Variants in ZNF10 observed in about 807,000 individuals in gnomAD.
The protein encoded by ZNF10 is zinc finger protein 10.
Under a neutral mutation model 12.2 loss-of-function variants are expected in ZNF10, and 8 were observed. The ratio of observed to expected loss-of-function variants is 0.66; its 90% CI spans 0.39 to 1.18. The LOEUF (loss-of-function observed/expected upper bound fraction) is 1.18, where lower values mean the gene tolerates loss of function less well. Ranked by LOEUF, ZNF10 falls within the 50% of genes most tolerant of loss-of-function variation. ZNF10 has a pLI of 0.01. For missense variants in ZNF10, 603 were observed against 678.9 expected (o/e 0.89, Z 1.24); for synonymous variants, 229 against 228.2 (o/e 1.00, Z -0.03).
rs530464270 is a variant in ZNF10 at position 133,139,546 on chromosome 12, T to G, written c.-59-4888T>G. On this transcript the variant is annotated intron_variant, in intron 1 of 4. Transcript: ENST00000248211. ...GAATTTTAAACAGGGAGTGAAACTTTTGTGTTTTACAGAGATGATGTTGCT... is the reference window on the plus strand; with the variant it reads ...GAATTTTAAACAGGGAGTGAAACTTGTGTGTTTTACAGAGATGATGTTGCT... 9.9e-5 allele frequency among the ~76,000 whole-genome samples: 15 copies of G among 151,150 alleles called. No individual in the cohort carries two copies. The South Asian group carries it at 2.1e-3, about 21-fold the overall frequency.
rs1956042997 is a variant in ZNF10, at chr12:133,156,530, T to C, written c.1284T>C (p.Thr428=). ...TTGTTGTGCATCATAGAATTCACAC[T>C]GGACTAAAACCTTTTGAGTGTAAGG... ...SHLVVHHRIH[T]GLKPFECKDC... The change falls in exon 5 of 5, where the codon ACT becomes ACC. Residue 428 remains threonine (T), a synonymous_variant. Transcript: ENST00000248211. 1.9e-6 allele frequency: 3 copies of C among 1,613,924 alleles called. No homozygotes were observed. Among genetic ancestry groups the C allele is most frequent in the Non-Finnish European group, 2.5e-6 (3 of 1,179,950 alleles).
At position 133,159,438 on chromosome 12, in the gene ZNF10, A is replaced by G. The variant is rs1242782710; in HGVS notation, c.*2470A>G. 2 of 152,264 alleles carry G rather than the reference A, an allele frequency of 1.3e-5. No individual in the cohort carries two copies. Among genetic ancestry groups the G allele is most frequent in the African/African-American group, 4.8e-5 (2 of 41,480 alleles). 9.4% of individuals were successfully genotyped at this position (152,264 alleles called of 1,614,324 possible). ...GGAATAAGCTCAAATATGTCAAAAT[A>G]AATGTAAAAAATGAGTGTTGCCCAA... is the stretch of plus-strand genomic sequence containing the variant. On this transcript the variant is annotated 3_prime_UTR_variant, in exon 5 of 5. Coordinates refer to ENST00000248211, the MANE Select transcript of ZNF10 (RefSeq NM_015394.5).
In ZNF10 at chr12:133,159,450, T is replaced by C. The variant is rs1357814171; in HGVS notation, c.*2482T>C. On this transcript the variant is annotated 3_prime_UTR_variant, in exon 5 of 5. Coordinates refer to ENST00000248211, the MANE Select transcript of ZNF10 (RefSeq NM_015394.5). ...AATATGTCAAAATAAATGTAAAAAATGAGTGTTGCCCAAAACTAAGGAGAT... is the reference window on the plus strand; with the variant it reads ...AATATGTCAAAATAAATGTAAAAAACGAGTGTTGCCCAAAACTAAGGAGAT... 6 of 152,108 alleles carry C rather than the reference T, an allele frequency of 3.9e-5. No homozygotes were observed. Among genetic ancestry groups the C allele is most frequent in the Admixed American group, 3.9e-4 (6 of 15,274 alleles). The allele number at this position is 152,108 out of a possible 1,614,324, so 9.4% of individuals were successfully genotyped here.
At chr12:133,140,716 T>A (rs1955940386) in intron 1 of ZNF10, among the ~76,000 whole-genome samples, 1 of 152,206 alleles carries the variant, frequency 6.6e-6, no homozygotes, top group Non-Finnish European at 1.5e-5. Flanking sequence ...ATTTTTTGAA[T>A]ACTAAATTTG....
chr12:133,152,935 A>G, intron 4 of ZNF10, among the ~76,000 whole-genome samples: 1 of 152,142 alleles, frequency 6.6e-6, no homozygotes, highest in Non-Finnish European at 1.5e-5. Context: ...AAATATTATC[A>G]TAAGCTCTTT....
chr12:133,132,718 T>G (rs900667103), intron 1 of ZNF10, among the ~76,000 whole-genome samples: 2 of 152,206 alleles, frequency 1.3e-5, no homozygotes, highest in Admixed American at 1.3e-4. Context: ...TGTGCCTCTT[T>G]GACTCGTAAT....
chr12:133,154,127 A>G (rs1019672305), intron 4 of ZNF10, among the ~76,000 whole-genome samples: 5 of 149,658 alleles, frequency 3.3e-5, no homozygotes, highest in African/African-American at 5.0e-5. Context: ...GGCGGGGGGG[A>G]TACAGTTTAA....
At chr12:133,146,658 C>G (rs1955977986) in intron 2 of ZNF10, among the ~76,000 whole-genome samples, 1 of 151,978 alleles carries the variant, frequency 6.6e-6, no homozygotes, top group Non-Finnish European at 1.5e-5. Flanking sequence ...CCAGCCTGGC[C>G]AACATGGTGG....
rs1956048166 is a variant in ZNF10 at position 133,157,214 on chromosome 12, A to G, written c.*246A>G. 1 of 333,286 alleles carries G rather than the reference A, an allele frequency of 3.0e-6. No homozygotes were observed. The highest frequency in any genetic ancestry group is 1.5e-4 in the South Asian group (1 of 6,588). 20.6% of individuals were successfully genotyped at this position (333,286 alleles called of 1,614,324 possible). On this transcript the variant is annotated 3_prime_UTR_variant, in exon 5 of 5. Transcript: ENST00000248211. ...AATTGGCCTGAGAGCATTCTTGACC[A>G]AGTCTTAAATGCTAGAATCTGAGAA... is the stretch of plus-strand genomic sequence containing the variant.
At chr12:133,141,787 G>A (rs1955945597) in intron 1 of ZNF10, among the ~76,000 whole-genome samples, 1 of 152,028 alleles carries the variant, frequency 6.6e-6, no homozygotes, top group Non-Finnish European at 1.5e-5. Context: ...AAGAAATAAT[G>A]GCTGGAAATG....
At chr12:133,148,751 G>GTTT (rs34626298) in intron 2 of ZNF10, among the ~76,000 whole-genome samples, 20 of 126,726 alleles carry the variant, frequency 1.6e-4, no homozygotes, top group African/African-American at 4.2e-4. Context: ...TTCAATGTTG[G>GTTT]TTTTTTTTTT....
At chr12:133,151,778 T>TAA in intron 3 of ZNF10, 31 bp from the exon 4 acceptor site, 5 of 1,592,914 alleles carry the variant, frequency 3.1e-6, no homozygotes, top group Non-Finnish European at 4.3e-6. Flanking sequence ...CCCTGACTCT[T>TAA]ACCCTGTTCT....
intron 2 of ZNF10, among the ~76,000 whole-genome samples, chr12:133,145,986 T>G (rs902573180): frequency 2.0e-5 from 3 of 152,186 alleles, no homozygotes; most frequent in African/African-American, 7.2e-5. Flanking sequence ...ATGTATTACT[T>G]ATAGGAATGC....
intron 1 of ZNF10, among the ~76,000 whole-genome samples, chr12:133,138,788 G>A (rs1351495165): frequency 6.6e-6 from 1 of 152,124 alleles, no homozygotes; most frequent in Non-Finnish European, 1.5e-5. Flanking sequence ...TCTGTTCTTA[G>A]CCCCTAGGAT....
At chr12:133,150,064 A>G (rs563346723) in intron 2 of ZNF10, among the ~76,000 whole-genome samples, 1 of 152,336 alleles carries the variant, frequency 6.6e-6, no homozygotes, top group South Asian at 2.1e-4. Flanking sequence ...GGAAAATGTT[A>G]CAGGTCTTTC....
Position 133,157,677 on chromosome 12 carries a change from A to G in ZNF10, c.*709A>G, listed in dbSNP as rs984784006. The G allele has an allele frequency of 3.3e-5, 5 of 152,206 alleles. No individual in the cohort carries two copies. Among genetic ancestry groups the G allele is most frequent in the African/African-American group, 1.2e-4 (5 of 41,454 alleles). The allele number at this position is 152,206 out of a possible 1,614,324, so 9.4% of individuals were successfully genotyped here. ...ATGTTGCTGTAATAATTATTTTAAG[A>G]AACTTTTAAATATTGTAAGAGGATA... On this transcript the variant is annotated 3_prime_UTR_variant, in exon 5 of 5. Transcript: ENST00000248211.
At position 133,156,719 on chromosome 12, in the gene ZNF10, C is replaced by T; in HGVS notation, c.1473C>T (p.Cys491=). 6.2e-7 allele frequency: 1 copy of T among 1,612,818 alleles called. No homozygotes were observed. Among genetic ancestry groups the T allele is most frequent in the Non-Finnish European group, 8.5e-7 (1 of 1,179,582 alleles). The part of the protein sequence containing the change: ...RIHTGEKPYE[C]CQCGKAFIRK... ...ACACTGGAGAGAAACCATATGAATG[C>T]TGTCAGTGTGGGAAAGCCTTCATCC... Residue 491 remains cysteine, a synonymous_variant, in exon 5 of 5, where the codon TGC becomes TGT. Transcript: ENST00000248211.
In ZNF10 at chr12:133,156,437, A is replaced by G; in HGVS notation, c.1191A>G (p.Arg397=). Residue 397 remains arginine, a synonymous_variant, in exon 5 of 5, where the codon AGA becomes AGG. Transcript: ENST00000248211. ...GCACACATCTCATTCTGCATCAGAG[A>G]ACCCATGTGAGAGTGAGGCCCTATG... The part of the protein sequence containing the change: ...RQSTHLILHQ[R]THVRVRPYEC... The G allele has an allele frequency of 6.2e-7, 1 of 1,613,378 alleles. No homozygotes were observed. Among genetic ancestry groups the G allele is most frequent in the South Asian group, 1.1e-5 (1 of 90,970 alleles).
At chr12:133,132,151 C>G (rs959223764) in intron 1 of ZNF10, among the ~76,000 whole-genome samples, 31 of 151,852 alleles carry the variant, frequency 2.0e-4, no homozygotes, top group Admixed American at 1.1e-3. Context: ...TATATGTGAA[C>G]TATATGAGAA....
Sources: allele counts gnomAD v4.1 joint callset (sites outside exome capture counted in the v4.1 genomes callset), GRCh38; gene constraint gnomAD v4.1.1; transcripts MANE v1.5; gene names NCBI Gene and HGNC (gene_info 2026-07-23, HGNC 2026-07-21).